KIFAP3: variants seen among roughly 807,000 people sequenced by gnomAD.
KIFAP3 encodes kinesin associated protein 3.
Under a neutral mutation model 106.5 loss-of-function variants are expected in KIFAP3, and 68 were observed. The observed-to-expected ratio is 0.64, with a 90% confidence interval of 0.53 to 0.78. KIFAP3 has a LOEUF of 0.78. Ranked by LOEUF, KIFAP3 falls within the 30% of genes least tolerant of loss-of-function variation. The probability of loss-of-function intolerance (pLI) is 0.00; values close to 1 mark genes in which losing one functional copy is unlikely to be tolerated. For synonymous variants in KIFAP3, 320 were observed against 311.5 expected (o/e 1.03, Z -0.29); for missense variants, 780 against 941.8 (o/e 0.83, Z 2.25).
At chr1:170,027,739 GA>G (rs1669189876) in intron 8 of KIFAP3, among the ~76,000 whole-genome samples, 1 of 151,944 alleles carries the variant, frequency 6.6e-6, no homozygotes, top group African/African-American at 2.4e-5. Context: ...TGAAGTCCCT[GA>G]AAAAATAATA....
chr1:170,075,588 T>C (rs1671885572), upstream of KIFAP3, among the ~76,000 whole-genome samples: 1 of 152,262 alleles, frequency 6.6e-6, no homozygotes, highest in Non-Finnish European at 1.5e-5. Flanking sequence ...TAAAACACCA[T>C]GTTAAGGCAC....
At chr1:169,965,338 T>C (rs1464930621) in intron 17 of KIFAP3, among the ~76,000 whole-genome samples, 1 of 151,184 alleles carries the variant, frequency 6.6e-6, no homozygotes, top group Non-Finnish European at 1.5e-5. Flanking sequence ...TACGATCTGA[T>C]GATTTCATTG....
chr1:169,925,339 T>C (rs1024289308), intron 19 of KIFAP3, among the ~76,000 whole-genome samples: 2 of 152,050 alleles, frequency 1.3e-5, no homozygotes, highest in Non-Finnish European at 2.9e-5. Flanking sequence ...AAAAGATAAC[T>C]AGGAATGATA....
intron 14 of KIFAP3, 84 bp downstream of exon 14, chr1:169,982,618 C>T: frequency 1.1e-6 from 1 of 901,720 alleles, no homozygotes; most frequent in Non-Finnish European, 1.6e-6. Flanking sequence ...TAATAATAGT[C>T]ACACAATACT....
intron 19 of KIFAP3, among the ~76,000 whole-genome samples, chr1:169,928,723 T>TAAAAAAAAAAAA (rs1258694998): frequency 3.1e-4 from 20 of 65,384 alleles, no homozygotes; most frequent in African/African-American, 6.5e-4. Flanking sequence ...AAAAAAAAAT[T>TAAAAAAAAAAAA]AAAGTTATAC....
rs71125221 is a variant in KIFAP3, at chr1:170,021,941, C to CTTTTTTTTTT, written c.1020+2467_1020+2476dup. On this transcript the variant is annotated intron_variant, in intron 9 of 19. Transcript: ENST00000361580. ...TCAGGTCTATTTCTTTCTTTTCTTT[C>CTTTTTTTTTT]TTTTTTTTTTTTTTTTTTTTTTTTT... Among the ~76,000 whole-genome samples the CTTTTTTTTTT allele has an allele frequency of 5.9e-4, 46 of 77,886 alleles. 1 individual carries two copies. Among genetic ancestry groups the CTTTTTTTTTT allele is most frequent in the African/African-American group, 1.2e-3 (25 of 20,996 alleles). 51.1% of individuals were successfully genotyped at this position (77,886 alleles called of 152,430 possible). A position where few individuals can be genotyped will look rare whatever the true frequency, so the allele number is the denominator to read the frequency against.
At chr1:169,984,981 T>C (rs1484053807) in intron 11 of KIFAP3, among the ~76,000 whole-genome samples, 1 of 151,858 alleles carries the variant, frequency 6.6e-6, no homozygotes, top group Non-Finnish European at 1.5e-5. Context: ...ACATATTGTT[T>C]GGAAGCAGAG....
Position 169,961,119 on chromosome 1 carries a change from A to G in KIFAP3, c.2100T>C (p.Tyr700=). The change falls in exon 18 of 20, where the codon TAT becomes TAC. Residue 700 remains tyrosine, a synonymous_variant. Coordinates refer to ENST00000361580, the MANE Select transcript of KIFAP3 (RefSeq NM_014970.4). The part of the protein sequence containing the change: ...RQMDESEQYL[Y]GDDRIEPYIH... ...TGTATGGCTCAATTCGATCATCACC[A>G]TACAAGTACTGCTCACTCTCATCCA... The G allele has an allele frequency of 1.2e-6, 2 of 1,613,752 alleles. No individual in the cohort carries two copies. The highest frequency in any genetic ancestry group is 4.5e-5 in the East Asian group (2 of 44,860).
chr1:170,033,251 C>T (rs1669506847), intron 7 of KIFAP3, among the ~76,000 whole-genome samples: 1 of 151,664 alleles, frequency 6.6e-6, no homozygotes, highest in South Asian at 2.1e-4. Flanking sequence ...CTTGGAGTTC[C>T]ATGTGACAAC....
intron 5 of KIFAP3, among the ~76,000 whole-genome samples, chr1:170,036,586 G>A (rs1449264332): frequency 4.6e-5 from 7 of 152,002 alleles, no homozygotes; most frequent in Non-Finnish European, 1.5e-5. Context: ...TAACAGCAAA[G>A]CCTCCAAAAA....
intron 8 of KIFAP3, among the ~76,000 whole-genome samples, chr1:170,028,415 G>T (rs1194035972): frequency 6.6e-6 from 1 of 152,068 alleles, no homozygotes; most frequent in Non-Finnish European, 1.5e-5. Flanking sequence ...TTGGCTCATT[G>T]CAACCTCCGC....
intron 11 of KIFAP3, among the ~76,000 whole-genome samples, chr1:169,991,894 C>A (rs1221830763): frequency 6.6e-6 from 1 of 151,640 alleles, no homozygotes; most frequent in Non-Finnish European, 1.5e-5. Context: ...ATTACATATA[C>A]CATGTAATCT....
At chr1:170,069,425 T>C (rs532473702) in intron 1 of KIFAP3, among the ~76,000 whole-genome samples, 1 of 152,156 alleles carries the variant, frequency 6.6e-6, no homozygotes, top group Non-Finnish European at 1.5e-5. Context: ...TTTAGACCAA[T>C]ACCCTTTATG....
At chr1:169,997,339 CTTA>C (rs1207418774) in intron 10 of KIFAP3, among the ~76,000 whole-genome samples, 2 of 152,200 alleles carry the variant, frequency 1.3e-5, no homozygotes, top group Non-Finnish European at 2.9e-5. Flanking sequence ...AATATCATTT[CTTA>C]TTATTATGTT....
Position 169,961,220 on chromosome 1 carries a change from A to G in KIFAP3, c.1999T>C (p.Trp667Arg). ...TTTTCACTCTGAATTTTCTTAGCCCATTCTTCATCATATTCCTATTGAAAA... is the reference window on the plus strand; with the variant it reads ...TTTTCACTCTGAATTTTCTTAGCCCGTTCTTCATCATATTCCTATTGAAAA... ...LDIIAEYDEEWAKKIQSEKFR... is the reference protein window; with the variant it reads ...LDIIAEYDEERAKKIQSEKFR... Residue 667 changes from tryptophan (W) to arginine (R), a missense_variant, in exon 18 of 20, where the codon TGG becomes CGG. This residue lies in a region of KIFAP3 where 78 missense variants were observed against 140.6 expected (regional missense o/e 0.55). Transcript: ENST00000361580. 6 of 1,611,582 alleles carry G rather than the reference A, an allele frequency of 3.7e-6. No homozygotes were observed. Among genetic ancestry groups the G allele is most frequent in the Non-Finnish European group, 5.1e-6 (6 of 1,179,258 alleles).
At position 169,954,783 on chromosome 1, in the gene KIFAP3, G is replaced by A. The variant is rs117683106; in HGVS notation, c.2174-673C>T. On this transcript the variant is annotated intron_variant, in intron 18 of 19. Coordinates refer to ENST00000361580, the MANE Select transcript of KIFAP3 (RefSeq NM_014970.4). ...TACTAAATATTGTACAGTCCCTAGC[G>A]TTGTGAGATATATCTGATTACCTAC... Among the ~76,000 whole-genome samples, 1,186 of 152,126 alleles carry A rather than the reference G, an allele frequency of 7.8e-3. 23 individuals are homozygous for A. In the South Asian group the frequency reaches 0.08, roughly 10 times the overall value.
At chr1:169,981,538 T>C (rs1666524448) in intron 15 of KIFAP3, among the ~76,000 whole-genome samples, 1 of 152,182 alleles carries the variant, frequency 6.6e-6, no homozygotes, top group Non-Finnish European at 1.5e-5. Flanking sequence ...TTAATTATGG[T>C]TGTTAATCTC....
intron 19 of KIFAP3, among the ~76,000 whole-genome samples, chr1:169,933,044 CAT>C (rs971954496): frequency 6.6e-6 from 1 of 151,994 alleles, no homozygotes; most frequent in South Asian, 2.1e-4. Context: ...TGAGGGCAAA[CAT>C]ATAGATAATA....
intron 11 of KIFAP3, among the ~76,000 whole-genome samples, chr1:169,991,591 G>A (rs680269): frequency 0.071 from 10,865 of 152,164 alleles, 435 homozygotes; most frequent in Non-Finnish European, 0.095. Context: ...CCAAAACAAA[G>A]ACACAAGTGT....
Sources: gnomAD v4.1 joint callset for allele counts (sites outside exome capture counted in the v4.1 genomes callset) on GRCh38, gnomAD v4.1.1 for gene constraint, gnomAD v4.1.1 regional missense constraint, MANE v1.5 for transcripts, NCBI Gene and HGNC (gene_info 2026-07-23, HGNC 2026-07-21) for gene names.